The following TAF3 variants were observed in gnomAD, a reference collection of about 807,000 sequenced individuals.
TAF3 encodes the protein TATA-box binding protein associated factor 3, also known as transcription initiation factor TFIID subunit 3.
TAF3 carries 7 observed loss-of-function variants against 80.6 expected under a neutral mutation model. The ratio of observed to expected loss-of-function variants is 0.09; its 90% CI spans 0.05 to 0.16. The LOEUF (loss-of-function observed/expected upper bound fraction) is 0.16. Among genes scored for constraint, TAF3 ranks in the 10% least tolerant of loss-of-function variants. The pLI is 1.00. For missense variants in TAF3, 921 were observed against 1,140.2 expected, an observed-to-expected ratio of 0.81 and a Z score of 2.77; for synonymous variants, 444 against 446.1, an observed-to-expected ratio of 1.00 and a Z score of 0.06.
chr10:7,842,294 G>A (rs1180393067), intron 2 of TAF3, among the ~76,000 whole-genome samples: 2 of 150,758 alleles, frequency 1.3e-5, no homozygotes, highest in Non-Finnish European at 3.0e-5. Context: ...CCACCAGCTG[G>A]GATCACAGAC....
chr10:7,873,609 C>G (rs1376687865), intron 2 of TAF3, among the ~76,000 whole-genome samples: 1 of 110,342 alleles, frequency 9.1e-6, no homozygotes, highest in Non-Finnish European at 1.9e-5. Context: ...GGGAAGACAT[C>G]CGAGTTCTCC....
intron 2 of TAF3, among the ~76,000 whole-genome samples, chr10:7,837,147 G>A (rs1368690438): frequency 6.6e-6 from 1 of 152,218 alleles, no homozygotes; most frequent in African/African-American, 2.4e-5. Flanking sequence ...CAAATTGCTT[G>A]AAGTCAGGAG....
At position 7,839,692 on chromosome 10, in the gene TAF3, AT is replaced by A. The variant is rs71505464; in HGVS notation, c.409+15142del. Among the ~76,000 whole-genome samples, 1,440 of 150,022 alleles carry A rather than the reference AT, an allele frequency of 9.6e-3. 14 individuals are homozygous for A. The highest frequency in any genetic ancestry group is 0.023 in the South Asian group (111 of 4,728). The stretch of plus-strand genomic sequence containing the variant: ...TCAAATTGGTTTCTTGAGTACAATT[AT>A]TTTTTTTTTAATTGTGTTTTGTTAA... On this transcript the variant is annotated intron_variant, in intron 2 of 6. Transcript: ENST00000344293.
At chr10:7,853,047 CAT>C (rs1217215523) in intron 2 of TAF3, among the ~76,000 whole-genome samples, 3 of 152,154 alleles carry the variant, frequency 2.0e-5, no homozygotes, top group African/African-American at 7.2e-5. Flanking sequence ...CCATCTTTGG[CAT>C]ATGAGACCAG....
intron 2 of TAF3, among the ~76,000 whole-genome samples, chr10:7,847,882 G>C (rs1164504759): frequency 6.6e-6 from 1 of 152,110 alleles, no homozygotes; most frequent in African/African-American, 2.4e-5. Context: ...ATTCTCCTGA[G>C]GCTGAGCCTC....
At chr10:7,901,153 G>T (rs1004323131) in intron 2 of TAF3, among the ~76,000 whole-genome samples, 1 of 152,074 alleles carries the variant, frequency 6.6e-6, no homozygotes, top group African/African-American at 2.4e-5. Context: ...GGCTGTCAAT[G>T]ATTTTATTAA....
intron 4 of TAF3, among the ~76,000 whole-genome samples, chr10:7,986,333 C>A (rs529636189): frequency 1.3e-5 from 2 of 152,274 alleles, no homozygotes; most frequent in East Asian, 3.9e-4. Context: ...AGCAGCACCT[C>A]AAAAATAGCA....
chr10:7,902,965 G>A (rs1459996467), intron 2 of TAF3, among the ~76,000 whole-genome samples: 1 of 151,814 alleles, frequency 6.6e-6, no homozygotes, highest in African/African-American at 2.4e-5. Context: ...GCTCACCTAT[G>A]GTCCCAGCTA....
At chr10:7,870,601 G>A (rs973173781) in intron 2 of TAF3, among the ~76,000 whole-genome samples, 1 of 152,212 alleles carries the variant, frequency 6.6e-6, no homozygotes, top group Non-Finnish European at 1.5e-5. Context: ...TTGTTGAAGA[G>A]TTAGGATGGT....
intron 4 of TAF3, among the ~76,000 whole-genome samples, chr10:8,007,610 A>G (rs1425438708): frequency 6.0e-5 from 3 of 50,402 alleles, no homozygotes; most frequent in Admixed American, 2.2e-4. Context: ...ATATATATAT[A>G]CCTTTTTTTT....
chr10:7,945,554 C>T (rs772307806), intron 2 of TAF3, among the ~76,000 whole-genome samples: 4 of 152,050 alleles, frequency 2.6e-5, no homozygotes, highest in South Asian at 2.1e-4. Flanking sequence ...CTCTAGATGC[C>T]GCAGGGAGGC....
At chr10:7,833,135 C>T (rs527684354) in intron 2 of TAF3, among the ~76,000 whole-genome samples, 1 of 152,300 alleles carries the variant, frequency 6.6e-6, no homozygotes, top group South Asian at 2.1e-4. Context: ...ATTTCTGTAA[C>T]TTGGCTATTG....
At chr10:7,908,897 A>G (rs573137437) in intron 2 of TAF3, among the ~76,000 whole-genome samples, 5 of 152,254 alleles carry the variant, frequency 3.3e-5, no homozygotes, top group Non-Finnish European at 7.3e-5. Flanking sequence ...CCAGCCCCAG[A>G]GGTTCTGAGT....
At chr10:7,902,917 TTTTA>T (rs1837572991) in intron 2 of TAF3, among the ~76,000 whole-genome samples, 1 of 152,170 alleles carries the variant, frequency 6.6e-6, no homozygotes, top group African/African-American at 2.4e-5. Flanking sequence ...CAGGTTTTTT[TTTTA>T]TTTAATGTTT....
intron 2 of TAF3, among the ~76,000 whole-genome samples, chr10:7,943,693 T>C (rs2131398241): frequency 6.6e-6 from 1 of 152,338 alleles, no homozygotes; most frequent in South Asian, 2.1e-4. Flanking sequence ...CTTGGCTTTT[T>C]CACTTCTGTA....
chr10:7,906,587 C>T (rs1837610316), intron 2 of TAF3, among the ~76,000 whole-genome samples: 1 of 151,892 alleles, frequency 6.6e-6, no homozygotes, highest in Non-Finnish European at 1.5e-5. Context: ...GCTTTATGGA[C>T]CTGAACAAAT....
chr10:7,877,728 A>G lies in TAF3; in HGVS notation c.409+53168A>G, dbSNP rs373240882. ...AATAAGACAACTGAGACCCATTGTG[A>G]TGAAGTGACTTGGCCAAGATCTTAA... On this transcript the variant is annotated intron_variant, in intron 2 of 6. Transcript: ENST00000344293. 6.0e-5 allele frequency among the ~76,000 whole-genome samples: 9 copies of G among 149,686 alleles called. No homozygotes were observed. In the East Asian group the frequency reaches 7.7e-4, roughly 13 times the overall value.
At position 7,960,291 on chromosome 10, in the gene TAF3, A is replaced by T. The variant is rs1467760934; in HGVS notation, c.410-3629A>T. Among the ~76,000 whole-genome samples the T allele has an allele frequency of 2.6e-5, 4 of 152,186 alleles. No homozygotes were observed. The East Asian group carries it at 7.7e-4, about 29-fold the overall frequency. On this transcript the variant is annotated intron_variant, in intron 2 of 6. Coordinates refer to ENST00000344293, the MANE Select transcript of TAF3 (RefSeq NM_031923.4). Reference sequence around the variant, plus strand: ...GAGCAGATCTGAAGTCCGCCTTGTCATTCTGATAGCAAAAGCGAGGGAGGG... The same window carrying T: ...GAGCAGATCTGAAGTCCGCCTTGTCTTTCTGATAGCAAAAGCGAGGGAGGG...
intron 2 of TAF3, among the ~76,000 whole-genome samples, chr10:7,962,970 C>T (rs1043668974): frequency 1.3e-5 from 2 of 152,098 alleles, no homozygotes; most frequent in East Asian, 1.9e-4. Flanking sequence ...CAAGTAACAT[C>T]GGCTCCTTTT....
Sources: gnomAD v4.1 joint callset for allele counts (sites outside exome capture counted in the v4.1 genomes callset) on GRCh38, gnomAD v4.1.1 for gene constraint, MANE v1.5 for transcripts, NCBI Gene and HGNC (gene_info 2026-07-23, HGNC 2026-07-21) for gene names.